The following TBC1D31 variants were observed in gnomAD, a reference collection of about 807,000 sequenced individuals.
The protein encoded by TBC1D31 is WD repeat domain 67.
TBC1D31 carries 99 observed loss-of-function variants against 132.9 expected under a neutral mutation model. The ratio of observed to expected loss-of-function variants is 0.74; its 90% CI spans 0.63 to 0.88. TBC1D31 has a LOEUF of 0.88. TBC1D31 is among the 40% of genes least tolerant of loss of function. The pLI is 0.00. For synonymous variants in TBC1D31, 385 were observed against 419.4 expected (o/e 0.92, Z 1.00); for missense variants, 1,134 against 1,256.6 (o/e 0.90, Z 1.48).
At chr8:123,086,746 A>C (rs1199677384) in intron 4 of TBC1D31, among the ~76,000 whole-genome samples, 1 of 149,774 alleles carries the variant, frequency 6.7e-6, no homozygotes, top group East Asian at 2.0e-4. Context: ...TTGCAACGGA[A>C]TCTGGCTCTG....
At chr8:123,113,910 C>CT (rs1219579709) in intron 10 of TBC1D31, among the ~76,000 whole-genome samples, 1 of 151,664 alleles carries the variant, frequency 6.6e-6, no homozygotes, top group Admixed American at 6.6e-5. Context: ...ATGAGTGAGC[C>CT]TTTTTTTTCT....
At chr8:123,101,081 T>G in intron 7 of TBC1D31, 74 bp downstream of exon 7, 2 of 1,140,062 alleles carry the variant, frequency 1.8e-6, no homozygotes, top group Non-Finnish European at 2.6e-6. Context: ...ATAAAATCTT[T>G]ATGCTACTAT....
intron 20 of TBC1D31, among the ~76,000 whole-genome samples, chr8:123,145,459 C>G (rs989711614): frequency 6.6e-6 from 1 of 152,144 alleles, no homozygotes; most frequent in Non-Finnish European, 1.5e-5. Context: ...CTCAGAACAA[C>G]AGTATATTCA....
chr8:123,087,940 T>C (rs1241217734), intron 4 of TBC1D31, among the ~76,000 whole-genome samples: 1 of 152,240 alleles, frequency 6.6e-6, no homozygotes, highest in East Asian at 1.9e-4. Context: ...CTCAGCACTT[T>C]GGGAGTCCCA....
chr8:123,097,789 A>G (rs1237005255), intron 6 of TBC1D31: 2 of 163,092 alleles, frequency 1.2e-5, no homozygotes, highest in African/African-American at 4.8e-5. Context: ...ACTAACGACC[A>G]GAAACATTGA....
At chr8:123,077,419 G>GA (rs34239897) in intron 2 of TBC1D31, among the ~76,000 whole-genome samples, 162 bp downstream of exon 2, 43,246 of 151,616 alleles carry the variant, frequency 0.29, 6,413 homozygotes, top group Non-Finnish European at 0.32. Flanking sequence ...ACGAAAGTGG[G>GA]AAAAAACAGA....
In TBC1D31 at chr8:123,082,911, G is replaced by A. The variant is rs764069592; in HGVS notation, c.340+94G>A. On this transcript the variant is annotated intron_variant, in intron 3 of 21. Transcript: ENST00000287380. ...TCACTCTGTACAGCTTGAGGGGGCA[G>A]TCCCCATGACAGCCCTCCCTTCAGA... The A allele has an allele frequency of 1.7e-4, 134 of 806,844 alleles. 1 individual carries two copies. The highest frequency in any genetic ancestry group is 2.5e-4 in the Non-Finnish European group (128 of 508,752). The allele number at this position is 806,844 out of a possible 1,614,324, so 50.0% of individuals were successfully genotyped here. A position where few individuals can be genotyped will look rare whatever the true frequency, so the allele number is the denominator to read the frequency against.
At chr8:123,145,217 C>A (rs940913124) in intron 20 of TBC1D31, among the ~76,000 whole-genome samples, 15 of 152,184 alleles carry the variant, frequency 9.9e-5, no homozygotes, top group Admixed American at 5.9e-4. Flanking sequence ...AGCCACTGTG[C>A]CTGGCCAGTG....
rs116347978 is a variant in TBC1D31 at position 123,136,998 on chromosome 8, T to C, written c.2499+2792T>C. ...TACCTGCCCAATTTATCTCTTACAT[T>C]AGGTTGATTAAATGTGTCTATTTCT... On this transcript the variant is annotated intron_variant, in intron 17 of 21. Transcript: ENST00000287380. Among the ~76,000 whole-genome samples the C allele has an allele frequency of 8.6e-3, 1,313 of 152,280 alleles. 20 individuals carry two copies. Among genetic ancestry groups the C allele is most frequent in the African/African-American group, 0.029 (1,215 of 41,564 alleles).
At chr8:123,092,306 T>C (rs940403912) in intron 4 of TBC1D31, among the ~76,000 whole-genome samples, 4 of 152,124 alleles carry the variant, frequency 2.6e-5, no homozygotes, top group African/African-American at 9.7e-5. Context: ...TGAGCCACCG[T>C]GCCTAGCCAG....
intron 2 of TBC1D31, among the ~76,000 whole-genome samples, chr8:123,080,657 C>A (rs1409269799): frequency 1.3e-5 from 2 of 151,108 alleles, no homozygotes; most frequent in Non-Finnish European, 2.9e-5. Context: ...CTGCCTCAGC[C>A]TCCCAAGTAG....
chr8:123,143,752 A>G (rs1821921543), intron 19 of TBC1D31, among the ~76,000 whole-genome samples: 2 of 152,246 alleles, frequency 1.3e-5, no homozygotes, highest in Non-Finnish European at 2.9e-5. Context: ...GGTAATATCC[A>G]GAACCCTGAG....
At chr8:123,149,279 A>G (rs1158425049) in intron 20 of TBC1D31, among the ~76,000 whole-genome samples, 1 of 152,188 alleles carries the variant, frequency 6.6e-6, no homozygotes, top group Admixed American at 6.5e-5. Context: ...CATTACTTTA[A>G]TGACTCATTG....
chr8:123,073,345 T>C (rs1814107536), intron 1 of TBC1D31: 3 of 456,500 alleles, frequency 6.6e-6, no homozygotes, highest in Non-Finnish European at 1.3e-5. Flanking sequence ...GTTGAGCTCC[T>C]ACTGTGTGCC....
chr8:123,120,668 C>T lies in TBC1D31; in HGVS notation c.1570+480C>T, dbSNP rs934737102. 3.3e-5 allele frequency among the ~76,000 whole-genome samples: 5 copies of T among 151,974 alleles called. No homozygotes were observed. The East Asian group carries it at 9.7e-4, about 29-fold the overall frequency. ...GCCTGGGCAAGACAGAGCAAGACCC[C>T]GTCTCAAAAATAAAAATAAAATAAT... On this transcript the variant is annotated intron_variant, in intron 11 of 21. Transcript: ENST00000287380.
chr8:123,155,946 G>A (rs1347675333), downstream of TBC1D31, among the ~76,000 whole-genome samples: 3 of 152,156 alleles, frequency 2.0e-5, no homozygotes, highest in African/African-American at 7.2e-5. This position sits in a 1 kb window ranked among gnomAD's most constrained non-coding sequence, Gnocchi z 4.1. Flanking sequence ...AGGGTGAATA[G>A]GGCCATGAAA....
chr8:123,105,691 C>T (rs151088867), intron 8 of TBC1D31, among the ~76,000 whole-genome samples: 1,962 of 152,264 alleles, frequency 0.013, 40 homozygotes, highest in African/African-American at 0.044. Context: ...TGAGCTGCCA[C>T]ACCCAGCCAT....
chr8:123,120,665 C>G (rs897977980), intron 11 of TBC1D31, among the ~76,000 whole-genome samples: 1 of 151,990 alleles, frequency 6.6e-6, no homozygotes, highest in Admixed American at 6.5e-5. Flanking sequence ...CAGAGCAAGA[C>G]CCCGTCTCAA....
chr8:123,098,114 TTTAC>T (rs1253226042), intron 6 of TBC1D31, among the ~76,000 whole-genome samples: 7 of 152,316 alleles, frequency 4.6e-5, no homozygotes, highest in Admixed American at 6.5e-5. Flanking sequence ...TCATGTCCAT[TTTAC>T]TTACTTTTTG....
Sources: allele counts gnomAD v4.1 joint callset (sites outside exome capture counted in the v4.1 genomes callset), GRCh38; gene constraint gnomAD v4.1.1; non-coding constraint Gnocchi (gnomAD v3.1); transcripts MANE v1.5; gene names NCBI Gene and HGNC (gene_info 2026-07-23, HGNC 2026-07-21).